The following MYCBP2 variants were observed in gnomAD, a reference collection of about 807,000 sequenced individuals.
MYCBP2 encodes MYC binding protein 2, also known as E3 ubiquitin-protein ligase MYCBP2.
MYCBP2 carries 120 observed loss-of-function variants against 525.3 expected under a neutral mutation model. The ratio of observed to expected loss-of-function variants is 0.23; its 90% CI spans 0.20 to 0.27. The LOEUF (loss-of-function observed/expected upper bound fraction) is 0.27. Among genes scored for constraint, MYCBP2 ranks in the 10% least tolerant of loss-of-function variants. The pLI, the probability that MYCBP2 is intolerant of heterozygous loss-of-function variation, is 1.00. For synonymous variants in MYCBP2, 1,894 were observed against 1,955.8 expected, an observed-to-expected ratio of 0.97 and a Z score of 0.83; for missense variants, 4,149 against 5,657.1, an observed-to-expected ratio of 0.73 and a Z score of 8.55.
chr13:77,075,430 C>G (rs1296750732), intron 68 of MYCBP2: 1 of 152,192 alleles, frequency 6.6e-6, no homozygotes, highest in East Asian at 1.9e-4. Flanking sequence ...TCAGCATACA[C>G]TCTCCCACCC....
chr13:77,123,720 T>C (rs2051153769), intron 54 of MYCBP2, among the ~76,000 whole-genome samples: 1 of 152,216 alleles, frequency 6.6e-6, no homozygotes, highest in Non-Finnish European at 1.5e-5. Context: ...ATATTTTTTG[T>C]ACTGCCAGTT....
chr13:77,302,675 A>T (rs1224274156), intron 1 of MYCBP2, among the ~76,000 whole-genome samples: 1 of 152,186 alleles, frequency 6.6e-6, no homozygotes, highest in African/African-American at 2.4e-5. Context: ...TAATATCATA[A>T]TTTTAAATGA....
intron 52 of MYCBP2, among the ~76,000 whole-genome samples, chr13:77,136,436 T>C (rs1198644873): frequency 6.6e-6 from 1 of 152,242 alleles, no homozygotes; most frequent in Non-Finnish European, 1.5e-5. Flanking sequence ...ATTTGTCCTT[T>C]CACATTTCTA....
chr13:77,127,892 C>T (rs533552998), intron 52 of MYCBP2, among the ~76,000 whole-genome samples: 1 of 151,886 alleles, frequency 6.6e-6, no homozygotes, highest in East Asian at 1.9e-4. Context: ...GTGAATCTCA[C>T]TATAGTGATG....
chr13:77,088,969 T>A lies in MYCBP2; in HGVS notation c.10588A>T (p.Ser3530Cys). 1 of 1,613,514 alleles carries A rather than the reference T, an allele frequency of 6.2e-7. No homozygotes were observed. ...PELSRLISAH[S>C]SLSKGERNFQ... ...TTTCGTTCTCCTTTAGAAAGAGAGC[T>A]GTGGGCTGAGATTAGCCGAGAAAGC... Residue 3530 changes from serine (S) to cysteine (C), a missense_variant, in exon 61 of 83, where the codon AGC becomes TGC. By Grantham distance (112) the Ser-to-Cys change is moderately radical. This residue lies in a region of MYCBP2 where 509 missense variants were observed against 789.4 expected (regional missense o/e 0.64). Coordinates refer to ENST00000544440, the MANE Select transcript of MYCBP2 (RefSeq NM_015057.5).
intron 57 of MYCBP2, 63 bp from the exon 58 acceptor site, chr13:77,095,665 G>A: frequency 3.3e-6 from 5 of 1,535,030 alleles, no homozygotes; most frequent in Admixed American, 2.0e-5. Context: ...AGTTTCTTAA[G>A]CTAAGTATTT....
intron 27 of MYCBP2, among the ~76,000 whole-genome samples, chr13:77,193,460 AT>A (rs1380864333): frequency 1.3e-5 from 2 of 152,136 alleles, no homozygotes; most frequent in African/African-American, 4.8e-5. Context: ...TAACATAGTT[AT>A]TGTTGGGAAA....
At chr13:77,296,949 G>C (rs1276628620) in intron 1 of MYCBP2, among the ~76,000 whole-genome samples, 2 of 151,960 alleles carry the variant, frequency 1.3e-5, no homozygotes, top group Non-Finnish European at 2.9e-5. Context: ...ACATTAAAAA[G>C]GCATCAAATG....
chr13:77,220,722 C>CTA (rs1206411397), intron 20 of MYCBP2, among the ~76,000 whole-genome samples: 1 of 152,094 alleles, frequency 6.6e-6, no homozygotes, highest in Non-Finnish European at 1.5e-5. Context: ...AAGATTGTTC[C>CTA]TCTATAGACA....
At chr13:77,239,527 G>T (rs1242973578) in intron 17 of MYCBP2, among the ~76,000 whole-genome samples, 1 of 152,126 alleles carries the variant, frequency 6.6e-6, no homozygotes, top group African/African-American at 2.4e-5. Context: ...TTAGGCCCAG[G>T]TGATTCTGAT....
chr13:77,134,494 A>G, intron 52 of MYCBP2, among the ~76,000 whole-genome samples: 1 of 152,250 alleles, frequency 6.6e-6, no homozygotes. Context: ...AGATCGTGCC[A>G]CTGAACTCCA....
chr13:77,164,308 C>T, intron 43 of MYCBP2, 146 bp downstream of exon 43: 1 of 616,154 alleles, frequency 1.6e-6, no homozygotes. Context: ...TAAACAAACT[C>T]AAATTACCAG....
In MYCBP2 at chr13:77,083,556, G is replaced by A. The variant is rs558638581; in HGVS notation, c.10876-364C>T. On this transcript the variant is annotated intron_variant, in intron 62 of 82. Transcript: ENST00000544440. ...ATACATATATGTAGGTATGTTTTGT[G>A]TGTATGTTTATGTATAAAAAATAAC... Among the ~76,000 whole-genome samples the A allele has an allele frequency of 2.8e-4, 43 of 152,140 alleles. No homozygotes were observed. In the South Asian group the frequency reaches 7.9e-3, roughly 28 times the overall value.
chr13:77,151,351 T>A (rs1404580210), intron 46 of MYCBP2, among the ~76,000 whole-genome samples: 1 of 152,198 alleles, frequency 6.6e-6, no homozygotes, highest in Non-Finnish European at 1.5e-5. Context: ...AGCACTAATG[T>A]CAGTTTGAGC....
intron 62 of MYCBP2, among the ~76,000 whole-genome samples, chr13:77,085,882 T>G (rs1462635900): frequency 6.6e-6 from 1 of 152,140 alleles, no homozygotes; most frequent in Non-Finnish European, 1.5e-5. Context: ...TTTAGTCCAG[T>G]GAGTTCTGGG....
At chr13:77,323,277 A>C (rs1444682100) in intron 1 of MYCBP2, among the ~76,000 whole-genome samples, 1 of 152,248 alleles carries the variant, frequency 6.6e-6, no homozygotes, top group Non-Finnish European at 1.5e-5. Context: ...TTAGACTGTC[A>C]TCAAAGTCAC....
At chr13:77,157,164 C>T (rs768843767) in intron 45 of MYCBP2, among the ~76,000 whole-genome samples, 32 of 152,142 alleles carry the variant, frequency 2.1e-4, no homozygotes, top group Admixed American at 1.1e-3. Context: ...CAGCAACCTC[C>T]GCCTCTAGGG....
rs1230697287 is a variant in MYCBP2, at chr13:77,168,563, G to A, written c.5979C>T (p.Phe1993=). The change falls in exon 40 of 83, where the codon TTC becomes TTT. Residue 1993 remains phenylalanine, a synonymous_variant. Transcript: ENST00000544440. ...ILNQKYAPPA[F]NPNQSTDSTT... is the part of the protein sequence containing the mutation. ...TGCTATCTGTCGACTGATTAGGGTT[G>A]AAGGCAGGCGGTGCATACTTCTGAT... 3 of 1,614,182 alleles carry A rather than the reference G, an allele frequency of 1.9e-6. 1 individual carries two copies. The South Asian group carries it at 3.3e-5, about 18-fold the overall frequency.
In MYCBP2 at chr13:77,174,280, G is replaced by A. The variant is rs1297825334; in HGVS notation, c.5651+31C>T. 3.1e-6 allele frequency: 5 copies of A among 1,606,438 alleles called. No individual in the cohort carries two copies. In the African/African-American group the frequency reaches 4.0e-5, roughly 13 times the overall value. ...ACTGTGTATGTTCTACCACTGTAAA[G>A]TATTTCCGTTATCTCTATACATTCA... On this transcript the variant is annotated intron_variant, in intron 37 of 82. Transcript: ENST00000544440.
Sources: allele counts gnomAD v4.1 joint callset (sites outside exome capture counted in the v4.1 genomes callset), GRCh38; gene constraint gnomAD v4.1.1; regional missense constraint gnomAD v4.1.1; transcripts MANE v1.5; gene names NCBI Gene and HGNC (gene_info 2026-07-23, HGNC 2026-07-21).